Variants in IYD observed in about 807,000 individuals in gnomAD.
The protein encoded by IYD is iodotyrosine deiodinase, also known as iodotyrosine deiodinase 1.
Under a neutral mutation model 28.4 loss-of-function variants are expected in IYD, and 25 were observed. The observed-to-expected ratio is 0.88, with a 90% CI of 0.64 to 1.23. IYD has a LOEUF of 1.23. Among genes scored for constraint, IYD ranks in the 50% most tolerant of loss-of-function variants. The probability of loss-of-function intolerance (pLI) is 0.00; values close to 1 mark genes in which losing one functional copy is unlikely to be tolerated. For synonymous variants in IYD, 140 were observed against 130.8 expected, an observed-to-expected ratio of 1.07 and a Z score of -0.48; for missense variants, 352 against 357.9, an observed-to-expected ratio of 0.98 and a Z score of 0.13.
rs1778528360 is a variant in IYD at position 150,402,094 on chromosome 6, T to C, written c.*3857T>C. 1 of 152,378 alleles carries C rather than the reference T, an allele frequency of 6.6e-6. No individual in the cohort carries two copies. Among genetic ancestry groups the C allele is most frequent in the East Asian group, 1.9e-4 (1 of 5,192 alleles). The allele number at this position is 152,378 out of a possible 1,614,324, so 9.4% of individuals were successfully genotyped here. On this transcript the variant is annotated 3_prime_UTR_variant, in exon 5 of 5. Coordinates refer to ENST00000344419, the MANE Select transcript of IYD (RefSeq NM_203395.3). ...ACCACATTTTGAGAACCATGGGGCA[T>C]TGGCAATCAACAAATGCAATGCTTG...
intron 1 of IYD, among the ~76,000 whole-genome samples, chr6:150,380,687 G>A (rs1167608497): frequency 6.6e-6 from 1 of 152,108 alleles, no homozygotes; most frequent in African/African-American, 2.4e-5. Flanking sequence ...AGGGACCCCC[G>A]ATTTCCTCTA....
intron 1 of IYD, among the ~76,000 whole-genome samples, chr6:150,380,967 C>T (rs918052519): frequency 2.0e-5 from 3 of 152,132 alleles, no homozygotes; most frequent in Non-Finnish European, 4.4e-5. Context: ...TCCATGGAAT[C>T]CAGGGACATG....
chr6:150,370,121 G>A (rs1777167166), intron 1 of IYD: 1 of 688,702 alleles, frequency 1.5e-6, no homozygotes, highest in Non-Finnish European at 2.6e-6. Context: ...CTGGGCTAAT[G>A]ATGCCCCCAT....
intron 1 of IYD, among the ~76,000 whole-genome samples, chr6:150,385,336 T>C (rs931881454): frequency 2.6e-5 from 4 of 152,146 alleles, no homozygotes; most frequent in Non-Finnish European, 5.9e-5. Context: ...TTACCATAGC[T>C]GGATGTGGTG....
chr6:150,389,474 C>T lies in IYD; in HGVS notation c.301C>T (p.Arg101Trp), dbSNP rs121918138. Residue 101 changes from arginine to tryptophan, a missense_variant, in exon 2 of 5, where the codon CGG becomes TGG. Coordinates refer to ENST00000344419, the MANE Select transcript of IYD (RefSeq NM_203395.3). ...QEFYELLNKR[R>W]SVRFISNEQV... ...ATTTTATGAACTTCTCAATAAGAGACGGTCAGTCAGGTTCATAAGTAATGA... is the reference window on the plus strand; with the variant it reads ...ATTTTATGAACTTCTCAATAAGAGATGGTCAGTCAGGTTCATAAGTAATGA... 70 of 1,613,752 alleles carry T rather than the reference C, an allele frequency of 4.3e-5. 1 individual carries two copies. The highest frequency in any genetic ancestry group is 2.7e-4 in the Admixed American group (16 of 60,012).
intron 1 of IYD, 133 bp downstream of exon 1, chr6:150,369,342 T>C: frequency 4.8e-6 from 4 of 837,470 alleles, no homozygotes; most frequent in Non-Finnish European, 7.8e-6. Context: ...ATTGTGCTAA[T>C]GAATCAGTGC....
chr6:150,385,550 C>G (rs1777830466), intron 1 of IYD, among the ~76,000 whole-genome samples: 1 of 132,124 alleles, frequency 7.6e-6, no homozygotes, highest in Non-Finnish European at 1.6e-5. Flanking sequence ...TGGGATAATT[C>G]TAACTTGGCC....
chr6:150,394,331 G>T lies in IYD; in HGVS notation c.687+76G>T, dbSNP rs547127087. ...CTGAGTTTTCAATTCAGGGACATTT[G>T]GAAATTTTTTTTTAATCTAAAGTAG... On this transcript the variant is annotated intron_variant, in intron 4 of 4. Coordinates refer to ENST00000344419, the MANE Select transcript of IYD (RefSeq NM_203395.3). 3.6e-5 allele frequency: 55 copies of T among 1,541,846 alleles called. No homozygotes were observed. In the African/African-American group the frequency reaches 6.5e-4, roughly 18 times the overall value.
intron 1 of IYD, among the ~76,000 whole-genome samples, chr6:150,381,340 A>G (rs1777638680): frequency 2.0e-5 from 3 of 152,236 alleles, no homozygotes; most frequent in South Asian, 4.1e-4. Context: ...CACTGCATTG[A>G]GAAAATGTCA....
At chr6:150,379,905 G>A (rs1022906719) in intron 1 of IYD, among the ~76,000 whole-genome samples, 7 of 152,192 alleles carry the variant, frequency 4.6e-5, no homozygotes, top group African/African-American at 1.7e-4. Context: ...TTTGGACCCC[G>A]TTGGGTTATT....
intron 4 of IYD, 124 bp from the exon 5 acceptor site, chr6:150,397,931 T>A: frequency 1.0e-6 from 1 of 981,942 alleles, no homozygotes; most frequent in Non-Finnish European, 1.6e-6. Flanking sequence ...GCCTCTTTGC[T>A]GCCCAACTTC....
At chr6:150,398,022 A>C in intron 4 of IYD, 33 bp from the exon 5 acceptor site, 1 of 1,607,254 alleles carries the variant, frequency 6.2e-7, no homozygotes, top group Non-Finnish European at 8.5e-7. Context: ...CTGCCTGCTG[A>C]CTTTAAAATG....
At chr6:150,395,388 T>C (rs1381419469) in intron 4 of IYD, 2 of 1,535,652 alleles carry the variant, frequency 1.3e-6, no homozygotes, top group South Asian at 1.2e-5. Flanking sequence ...TTGAAATGTG[T>C]TTTAGGTTTT....
intron 1 of IYD, among the ~76,000 whole-genome samples, chr6:150,378,285 C>T (rs1017010632): frequency 1.3e-5 from 2 of 149,418 alleles, no homozygotes; most frequent in Admixed American, 6.7e-5. Flanking sequence ...CCCATTAACT[C>T]GTCATTTAGC....
At chr6:150,378,877 A>T (rs920183644) in intron 1 of IYD, among the ~76,000 whole-genome samples, 5 of 152,200 alleles carry the variant, frequency 3.3e-5, no homozygotes, top group African/African-American at 9.6e-5. Flanking sequence ...AATAGCAAAG[A>T]CTTGGAACCA....
Position 150,369,251 on chromosome 6 carries a change from G to T in IYD, c.178+42G>T, listed in dbSNP as rs771315378. ...TGCTGCTTAGCTTCGCTGTCGTGTTGTGTTGATGATGAGTGTGAGTCAATG... is the reference window on the plus strand; with the variant it reads ...TGCTGCTTAGCTTCGCTGTCGTGTTTTGTTGATGATGAGTGTGAGTCAATG... On this transcript the variant is annotated intron_variant, in intron 1 of 4. Transcript: ENST00000344419. 5 of 1,591,758 alleles carry T rather than the reference G, an allele frequency of 3.1e-6. No homozygotes were observed. In the Admixed American group the frequency reaches 6.7e-5, roughly 21 times the overall value.
intron 1 of IYD, among the ~76,000 whole-genome samples, chr6:150,380,686 C>T (rs73013204): frequency 0.012 from 1,802 of 152,256 alleles, 17 homozygotes; most frequent in Middle Eastern, 0.037. Context: ...AAGGGACCCC[C>T]GATTTCCTCT....
chr6:150,392,237 G>C (rs73617678), intron 2 of IYD, 108 bp from the exon 3 acceptor site: 1 of 1,580,430 alleles, frequency 6.3e-7, no homozygotes, highest in Admixed American at 1.7e-5. Context: ...TGATCCTCCA[G>C]CTCCAGCCTC....
At position 150,402,584 on chromosome 6, in the gene IYD, A is replaced by G. The variant is rs182015740; in HGVS notation, c.*4347A>G. On this transcript the variant is annotated 3_prime_UTR_variant, in exon 5 of 5. Coordinates refer to ENST00000344419, the MANE Select transcript of IYD (RefSeq NM_203395.3). ...AAATCAGAATAGGACAGTGAAAGGC[A>G]TAAAGATTTTCTTCTGAAACGCTAA... 1.3e-3 allele frequency: 202 copies of G among 152,378 alleles called. No individual in the cohort carries two copies. Among genetic ancestry groups the G allele is most frequent in the African/African-American group, 4.3e-3 (178 of 41,596 alleles). 9.4% of individuals were successfully genotyped at this position (152,378 alleles called of 1,614,324 possible).
Sources: allele counts gnomAD v4.1 joint callset (sites outside exome capture counted in the v4.1 genomes callset), GRCh38; gene constraint gnomAD v4.1.1; transcripts MANE v1.5; gene names NCBI Gene and HGNC (gene_info 2026-07-23, HGNC 2026-07-21).